GRIN2B: variants seen among roughly 807,000 people sequenced by gnomAD.
The protein encoded by GRIN2B is glutamate receptor ionotropic, NMDA 2B.
GRIN2B carries 5 observed loss-of-function variants against 114.5 expected under a neutral mutation model. That is an observed-to-expected ratio of 0.04 (90% CI 0.02 to 0.09). GRIN2B has a LOEUF of 0.09. Among genes scored for constraint, GRIN2B ranks in the 10% least tolerant of loss-of-function variants. GRIN2B has a pLI of 1.00. For missense variants in GRIN2B, 1,108 were observed against 1,943.5 expected, an observed-to-expected ratio of 0.57 and a Z score of 8.08; for synonymous variants, 787 against 745.1, an observed-to-expected ratio of 1.06 and a Z score of -0.92.
intron 5 of GRIN2B, among the ~76,000 whole-genome samples, chr12:13,631,702 GC>G (rs1949616843): frequency 2.6e-5 from 4 of 152,170 alleles, no homozygotes; most frequent in African/African-American, 7.2e-5. Context: ...ATCCTGATTT[GC>G]CTCACTCCAA....
chr12:13,581,490 GA>G (rs11331475), intron 10 of GRIN2B, among the ~76,000 whole-genome samples: 52,328 of 151,928 alleles, frequency 0.34, 9,584 homozygotes, highest in Middle Eastern at 0.54. Context: ...GGCCCAGTGG[GA>G]GAAGAAGAAG....
At chr12:13,769,659 G>T (rs561337855) in intron 3 of GRIN2B, among the ~76,000 whole-genome samples, 6 of 152,230 alleles carry the variant, frequency 3.9e-5, no homozygotes, top group Non-Finnish European at 5.9e-5. Flanking sequence ...AATACTGTTT[G>T]CATCAGCAAG....
chr12:13,694,695 ATATAT>A (rs1950245324), intron 4 of GRIN2B, among the ~76,000 whole-genome samples: 1 of 116,714 alleles, frequency 8.6e-6, no homozygotes. Context: ...ATATATATAT[ATATAT>A]ATAAATTAAT....
At chr12:13,840,962 C>T (rs73055666) in intron 3 of GRIN2B, among the ~76,000 whole-genome samples, 23,952 of 152,176 alleles carry the variant, frequency 0.16, 2,438 homozygotes, top group Non-Finnish European at 0.22. Flanking sequence ...GTATGAATAA[C>T]GCCCTATAGC....
At chr12:13,578,620 C>A (rs1268540955) in intron 10 of GRIN2B, among the ~76,000 whole-genome samples, 1 of 152,188 alleles carries the variant, frequency 6.6e-6, no homozygotes, top group African/African-American at 2.4e-5. Flanking sequence ...AAATATCTGA[C>A]CCACAAACCA....
chr12:13,701,290 G>T (rs1950310537), intron 4 of GRIN2B, among the ~76,000 whole-genome samples: 1 of 152,050 alleles, frequency 6.6e-6, no homozygotes, highest in South Asian at 2.1e-4. Flanking sequence ...ACCATATCAG[G>T]TTGGTTATTG....
In GRIN2B at chr12:13,548,229, C is replaced by T. The variant is rs1948370510; in HGVS notation, c.*14554G>A. On this transcript the variant is annotated 3_prime_UTR_variant, in exon 14 of 14. Transcript: ENST00000609686. ...TCATAGGATAGCTAAGCACCCATGCCCCCTAAGGGATACTTGAAATAGGAA... is the reference window on the plus strand; with the variant it reads ...TCATAGGATAGCTAAGCACCCATGCTCCCTAAGGGATACTTGAAATAGGAA... 2 of 151,630 alleles carry T rather than the reference C, an allele frequency of 1.3e-5. No individual in the cohort carries two copies. Among genetic ancestry groups the T allele is most frequent in the Non-Finnish European group, 2.9e-5 (2 of 67,938 alleles). 9.4% of individuals were successfully genotyped at this position (151,630 alleles called of 1,614,324 possible).
chr12:13,962,491 A>G (rs1319284627), intron 2 of GRIN2B, among the ~76,000 whole-genome samples: 1 of 152,248 alleles, frequency 6.6e-6, no homozygotes, highest in Non-Finnish European at 1.5e-5. Flanking sequence ...GCACCGTACT[A>G]CAAATAACCT....
intron 3 of GRIN2B, among the ~76,000 whole-genome samples, chr12:13,845,750 T>C (rs1253435499): frequency 2.6e-5 from 4 of 152,024 alleles, no homozygotes; most frequent in Non-Finnish European, 5.9e-5. Context: ...AGGAATAGAG[T>C]GGAGTGGGGA....
chr12:13,761,032 A>G (rs1354247926), intron 3 of GRIN2B, among the ~76,000 whole-genome samples: 6 of 152,308 alleles, frequency 3.9e-5, no homozygotes, highest in African/African-American at 1.2e-4. Flanking sequence ...CAAAAATATC[A>G]TGACTGAAAC....
chr12:13,650,548 CTT>C (rs1405076025), intron 5 of GRIN2B, among the ~76,000 whole-genome samples: 1 of 152,058 alleles, frequency 6.6e-6, no homozygotes. Flanking sequence ...ACCAGCCACC[CTT>C]TCTTTCTGCT....
At chr12:13,868,947 T>C (rs1020978514) in intron 2 of GRIN2B, among the ~76,000 whole-genome samples, 2 of 152,196 alleles carry the variant, frequency 1.3e-5, no homozygotes, top group South Asian at 4.1e-4. Flanking sequence ...GGAAAGCATG[T>C]AGTCCAAGAT....
intron 2 of GRIN2B, among the ~76,000 whole-genome samples, chr12:13,964,348 G>A (rs886579120): frequency 6.6e-6 from 1 of 152,160 alleles, no homozygotes; most frequent in Non-Finnish European, 1.5e-5. Flanking sequence ...TGAGCTCTTG[G>A]AGGATAGGCA....
chr12:13,962,723 C>G (rs538702611), intron 2 of GRIN2B, among the ~76,000 whole-genome samples: 1 of 152,178 alleles, frequency 6.6e-6, no homozygotes, highest in African/African-American at 2.4e-5. Flanking sequence ...GGCAGGCGGG[C>G]GGGCGGGCTG....
At chr12:13,924,695 G>C (rs1175315308) in intron 2 of GRIN2B, among the ~76,000 whole-genome samples, 1 of 152,042 alleles carries the variant, frequency 6.6e-6, no homozygotes, top group Non-Finnish European at 1.5e-5. Context: ...ATCTAGAAGA[G>C]CAAAAAGAGG....
intron 5 of GRIN2B, among the ~76,000 whole-genome samples, chr12:13,641,907 G>A (rs1359724330): frequency 6.6e-6 from 1 of 152,086 alleles, no homozygotes; most frequent in Non-Finnish European, 1.5e-5. Context: ...TAACCTTAAG[G>A]TCAGGCGTGA....
chr12:13,600,244 GTCTCCTTCCT>G (rs769781370), intron 10 of GRIN2B, among the ~76,000 whole-genome samples: 87 of 151,658 alleles, frequency 5.7e-4, no homozygotes, highest in Non-Finnish European at 8.2e-4. Context: ...CTCTCCATCT[GTCTCCTTCCT>G]TCTCCTTCCT....
chr12:13,769,219 G>C (rs1475932638), intron 3 of GRIN2B, among the ~76,000 whole-genome samples: 1 of 152,058 alleles, frequency 6.6e-6, no homozygotes, highest in African/African-American at 2.4e-5. Context: ...TGAGAGTCAG[G>C]TTTAGTCCCC....
intron 3 of GRIN2B, among the ~76,000 whole-genome samples, chr12:13,769,865 T>C (rs1238650598): frequency 6.6e-6 from 1 of 152,224 alleles, no homozygotes; most frequent in Non-Finnish European, 1.5e-5. Flanking sequence ...TCCACATGTC[T>C]GAAGCCAGTG....
Sources: allele counts gnomAD v4.1 joint callset (sites outside exome capture counted in the v4.1 genomes callset), GRCh38; gene constraint gnomAD v4.1.1; transcripts MANE v1.5; gene names NCBI Gene and HGNC (gene_info 2026-07-23, HGNC 2026-07-21).